KHDRBS2: variants seen among roughly 807,000 people sequenced by gnomAD.
The protein encoded by KHDRBS2 is KH RNA binding domain containing, signal transduction associated 2.
A neutral mutation model predicts 44.3 loss-of-function variants in KHDRBS2; 26 were observed. That is an observed-to-expected ratio of 0.59 (90% CI 0.43 to 0.81). The LOEUF (loss-of-function observed/expected upper bound fraction) is 0.81. Among genes scored for constraint, KHDRBS2 ranks in the 40% least tolerant of loss-of-function variants. The pLI is 0.00. For synonymous variants in KHDRBS2, 194 were observed against 151.1 expected, an observed-to-expected ratio of 1.28 and a Z score of -2.08; for missense variants, 476 against 433.1, an observed-to-expected ratio of 1.10 and a Z score of -0.88.
At chr6:62,244,802 G>A (rs746069911) in intron 1 of KHDRBS2, among the ~76,000 whole-genome samples, 11 of 152,048 alleles carry the variant, frequency 7.2e-5, no homozygotes, top group Non-Finnish European at 1.6e-4. Flanking sequence ...CTAAGGAACA[G>A]AGCAGTTTAC....
intron 1 of KHDRBS2, among the ~76,000 whole-genome samples, chr6:62,253,445 A>T (rs1836866069): frequency 1.3e-5 from 2 of 151,922 alleles, no homozygotes; most frequent in Non-Finnish European, 2.9e-5. Context: ...CAGAAAATTC[A>T]TTAGGGCAAT....
intron 6 of KHDRBS2, among the ~76,000 whole-genome samples, chr6:61,755,936 T>G (rs1174090071): frequency 6.6e-6 from 1 of 152,168 alleles, no homozygotes; most frequent in East Asian, 1.9e-4. Flanking sequence ...ATTTGAAAAC[T>G]ACTTGTTCTG....
chr6:61,794,050 G>T (rs1026624156), intron 6 of KHDRBS2, among the ~76,000 whole-genome samples: 3 of 152,080 alleles, frequency 2.0e-5, no homozygotes, highest in Admixed American at 6.6e-5. Context: ...GCTCAAAAAG[G>T]TGTTAAATAT....
the KHDRBS2 span, among the ~76,000 whole-genome samples, chr6:61,624,399 A>C: frequency 6.6e-6 from 1 of 152,186 alleles, no homozygotes; most frequent in African/African-American, 2.4e-5. Context: ...ATTCAAGTAC[A>C]TTGGTGTTGT....
At chr6:62,107,240 C>T (rs570742830) in intron 2 of KHDRBS2, among the ~76,000 whole-genome samples, 34 of 152,256 alleles carry the variant, frequency 2.2e-4, no homozygotes, top group African/African-American at 7.0e-4. Context: ...GCAACTTCAG[C>T]AAAGTCTCAG....
At chr6:62,094,657 T>C (rs1800183646) in intron 2 of KHDRBS2, among the ~76,000 whole-genome samples, 2 of 151,970 alleles carry the variant, frequency 1.3e-5, no homozygotes, top group African/African-American at 4.8e-5. Flanking sequence ...CATGGAGCTT[T>C]CCCCCTACTT....
At chr6:61,773,117 T>A (rs1361848216) in intron 6 of KHDRBS2, among the ~76,000 whole-genome samples, 2 of 152,260 alleles carry the variant, frequency 1.3e-5, no homozygotes, top group Non-Finnish European at 2.9e-5. Flanking sequence ...GCATGTGTCT[T>A]TATAGCAGCA....
chr6:61,636,049 A>G, the KHDRBS2 span, among the ~76,000 whole-genome samples: 1 of 152,076 alleles, frequency 6.6e-6, no homozygotes, highest in Non-Finnish European at 1.5e-5. Flanking sequence ...CTATGCTGGG[A>G]AATACATATT....
chr6:62,072,213 T>A (rs1462690269), intron 2 of KHDRBS2, among the ~76,000 whole-genome samples: 1 of 152,040 alleles, frequency 6.6e-6, no homozygotes, highest in Non-Finnish European at 1.5e-5. Context: ...CTTGGCTGAA[T>A]TTGCTTATCA....
chr6:61,937,076 T>C (rs1247897640), intron 4 of KHDRBS2, among the ~76,000 whole-genome samples: 1 of 151,894 alleles, frequency 6.6e-6, no homozygotes, highest in East Asian at 1.9e-4. Flanking sequence ...TATAGGACCA[T>C]CTTATTCCTT....
At chr6:61,820,992 G>A (rs532082978) in intron 6 of KHDRBS2, among the ~76,000 whole-genome samples, 1 of 151,998 alleles carries the variant, frequency 6.6e-6, no homozygotes, top group East Asian at 1.9e-4. Context: ...TGTGTGAGGA[G>A]AATTTCACTC....
intron 2 of KHDRBS2, among the ~76,000 whole-genome samples, chr6:62,064,942 A>G (rs1361357497): frequency 1.3e-5 from 2 of 151,800 alleles, no homozygotes; most frequent in Admixed American, 6.6e-5. Context: ...CAAGAAAAAA[A>G]CAAACAACCC....
chr6:62,033,195 A>G lies in KHDRBS2; in HGVS notation c.336+14683T>C, dbSNP rs112352381. Among the ~76,000 whole-genome samples the G allele has an allele frequency of 2.0e-3, 298 of 152,096 alleles. 3 individuals are homozygous for G. Among genetic ancestry groups the G allele is most frequent in the African/African-American group, 6.7e-3 (280 of 41,540 alleles). ...GGAGACAAAAGAAAAGAGAATAAAA[A>G]CAAACAACCACAACCGTAGGTTCTA... On this transcript the variant is annotated intron_variant, in intron 3 of 8. Transcript: ENST00000281156.
intron 6 of KHDRBS2, among the ~76,000 whole-genome samples, chr6:61,801,600 G>C (rs137969501): frequency 2.0e-5 from 3 of 152,074 alleles, no homozygotes; most frequent in African/African-American, 7.2e-5. Flanking sequence ...GCAGACTGAA[G>C]GTGCCGCTGC....
chr6:61,747,692 A>C (rs982327016), intron 6 of KHDRBS2, among the ~76,000 whole-genome samples: 2 of 152,166 alleles, frequency 1.3e-5, no homozygotes, highest in African/African-American at 4.8e-5. Flanking sequence ...GTTATCCTGA[A>C]AGGAAGGCAT....
the KHDRBS2 span, among the ~76,000 whole-genome samples, chr6:61,646,798 G>T: frequency 1.3e-5 from 2 of 151,974 alleles, no homozygotes; most frequent in African/African-American, 4.8e-5. Flanking sequence ...AGCAGAAAAT[G>T]AATATATATG....
chr6:62,110,499 C>G (rs1232088269), intron 2 of KHDRBS2, among the ~76,000 whole-genome samples: 1 of 151,996 alleles, frequency 6.6e-6, no homozygotes, highest in Non-Finnish European at 1.5e-5. Context: ...CAATGGAATA[C>G]TATTCTGCAA....
At chr6:62,270,588 T>C (rs931264956) in intron 1 of KHDRBS2, among the ~76,000 whole-genome samples, 3 of 151,986 alleles carry the variant, frequency 2.0e-5, no homozygotes, top group Non-Finnish European at 4.4e-5. Flanking sequence ...TCTGGGCTGA[T>C]AGAAATGTTC....
At chr6:61,971,149 G>A (rs1012318122) in intron 4 of KHDRBS2, among the ~76,000 whole-genome samples, 2 of 152,078 alleles carry the variant, frequency 1.3e-5, no homozygotes, top group Non-Finnish European at 2.9e-5. Flanking sequence ...ATTTGTACTT[G>A]TATTTTAAGG....
Sources: gnomAD v4.1 joint callset for allele counts (sites outside exome capture counted in the v4.1 genomes callset) on GRCh38, gnomAD v4.1.1 for gene constraint, MANE v1.5 for transcripts, NCBI Gene and HGNC (gene_info 2026-07-23, HGNC 2026-07-21) for gene names.